The following GNB4 variants were observed in gnomAD, a reference collection of about 807,000 sequenced individuals.
GNB4 encodes the protein guanine nucleotide-binding protein subunit beta-4.
A neutral mutation model predicts 45.2 loss-of-function variants in GNB4; 28 were observed. The ratio of observed to expected loss-of-function variants is 0.62; its 90% CI spans 0.46 to 0.85. GNB4 has a LOEUF of 0.85. Ranked by LOEUF, GNB4 falls within the 40% of genes least tolerant of loss-of-function variation. GNB4 has a pLI of 0.00. For synonymous variants in GNB4, 132 were observed against 143.7 expected, an observed-to-expected ratio of 0.92 and a Z score of 0.58; for missense variants, 321 against 425.4, an observed-to-expected ratio of 0.75 and a Z score of 2.16.
chr3:179,404,515 T>C (rs1714405409), intron 9 of GNB4, among the ~76,000 whole-genome samples: 1 of 152,050 alleles, frequency 6.6e-6, no homozygotes, highest in Non-Finnish European at 1.5e-5. Context: ...AAAGAGACCC[T>C]GTCCCAACAA....
chr3:179,509,653 CTT>C, the GNB4 span, among the ~76,000 whole-genome samples: 5 of 141,386 alleles, frequency 3.5e-5, no homozygotes, highest in East Asian at 2.0e-4. Context: ...TCCCTTCCCT[CTT>C]TTTTTTTTTT....
chr3:179,427,674 T>C (rs1400645789), intron 1 of GNB4, among the ~76,000 whole-genome samples: 1 of 151,984 alleles, frequency 6.6e-6, no homozygotes, highest in Non-Finnish European at 1.5e-5. Context: ...TTATTCTTTG[T>C]TGTATCCCCA....
At chr3:179,507,285 T>C in the GNB4 span, among the ~76,000 whole-genome samples, 1 of 152,182 alleles carries the variant, frequency 6.6e-6, no homozygotes, top group Non-Finnish European at 1.5e-5. Flanking sequence ...GGCTGATCTT[T>C]TCAAAATGAG....
At chr3:179,402,161 A>G (rs1344473232) in intron 9 of GNB4, among the ~76,000 whole-genome samples, 2 of 152,226 alleles carry the variant, frequency 1.3e-5, no homozygotes, top group South Asian at 2.1e-4. Context: ...TTATGAGTTG[A>G]AATAACAAAA....
the GNB4 span, among the ~76,000 whole-genome samples, chr3:179,468,049 T>TATATATAGAGAGAGAGAGAGAGAGAGAG: frequency 5.3e-5 from 7 of 130,988 alleles, no homozygotes; most frequent in African/African-American, 1.9e-4. Context: ...TATATATATA[T>TATATATAGAGAGAGAGAGAGAGAGAGAG]AGAACAGGTG....
intron 1 of GNB4, among the ~76,000 whole-genome samples, chr3:179,446,128 A>G (rs1715718480): frequency 6.6e-6 from 1 of 152,264 alleles, no homozygotes; most frequent in Admixed American, 6.5e-5. Flanking sequence ...CACACTGTGA[A>G]CTTACCAAGC....
At position 179,419,419 on chromosome 3, in the gene GNB4, C is replaced by G. The variant is rs761125515; in HGVS notation, c.183G>C (p.Met61Ile). The change falls in exon 4 of 10, where the codon ATG becomes ATC. Residue 61 changes from methionine to isoleucine, a missense_variant. Transcript: ENST00000232564. ...CAAACCTGGAATCGTATCCCCAATG[C>G]ATAGCATAGATTTTAGCTAGGTGGC... is the stretch of plus-strand genomic sequence containing the variant. The part of the protein sequence containing the change: ...LRGHLAKIYA[M>I]HWGYDSRLLV... 10 of 1,607,402 alleles carry G rather than the reference C, an allele frequency of 6.2e-6. No individual in the cohort carries two copies. Among genetic ancestry groups the G allele is most frequent in the Non-Finnish European group, 7.7e-6 (9 of 1,173,892 alleles).
intron 2 of GNB4, among the ~76,000 whole-genome samples, chr3:179,422,327 T>C (rs748860528): frequency 7.2e-5 from 11 of 152,124 alleles, no homozygotes; most frequent in South Asian, 6.2e-4. Flanking sequence ...CTATTATCCA[T>C]TATAAAACAG....
upstream of GNB4, among the ~76,000 whole-genome samples, chr3:179,455,182 T>C (rs115508945): frequency 3.8e-3 from 581 of 152,274 alleles, 2 homozygotes; most frequent in African/African-American, 0.013. Flanking sequence ...CCCAGTGACC[T>C]TAAGAGAGGG....
intron 8 of GNB4, among the ~76,000 whole-genome samples, chr3:179,413,197 CA>C (rs200009694): frequency 6.6e-5 from 10 of 150,842 alleles, no homozygotes; most frequent in African/African-American, 1.2e-4. Flanking sequence ...AAAATAACAA[CA>C]AAAAAAAATC....
the GNB4 span, among the ~76,000 whole-genome samples, chr3:179,518,637 T>G: frequency 2.0e-5 from 3 of 152,164 alleles, no homozygotes; most frequent in Non-Finnish European, 4.4e-5. Context: ...ATTCTGTGAC[T>G]AGCCCTCCCC....
intron 9 of GNB4, among the ~76,000 whole-genome samples, chr3:179,401,613 CAT>C (rs768259664): frequency 9.2e-5 from 14 of 152,116 alleles, no homozygotes; most frequent in East Asian, 3.9e-4. Context: ...TCTAGGAAAA[CAT>C]ATGCAGACAA....
At chr3:179,429,860 G>C (rs538243042) in intron 1 of GNB4, among the ~76,000 whole-genome samples, 28 of 152,228 alleles carry the variant, frequency 1.8e-4, no homozygotes, top group Non-Finnish European at 3.8e-4. Context: ...TTCTGCTTTT[G>C]CTATCAAATA....
At chr3:179,415,928 G>A (rs1714786857) in intron 5 of GNB4, among the ~76,000 whole-genome samples, 1 of 152,042 alleles carries the variant, frequency 6.6e-6, no homozygotes, top group Admixed American at 6.6e-5. Context: ...TATACACAGA[G>A]TATAAAGGTA....
At chr3:179,423,750 C>T (rs904595208) in intron 2 of GNB4, among the ~76,000 whole-genome samples, 12 of 150,826 alleles carry the variant, frequency 8.0e-5, no homozygotes, top group Non-Finnish European at 1.3e-4. Context: ...CACTGCACTC[C>T]AGCCTGGGCG....
chr3:179,443,126 G>A (rs940370890), intron 1 of GNB4, among the ~76,000 whole-genome samples: 2 of 152,164 alleles, frequency 1.3e-5, no homozygotes, highest in Non-Finnish European at 2.9e-5. Context: ...TGCCTCACAA[G>A]CATTACCATC....
the GNB4 span, among the ~76,000 whole-genome samples, chr3:179,505,763 C>A: frequency 6.6e-6 from 1 of 152,312 alleles, no homozygotes; most frequent in Non-Finnish European, 1.5e-5. Context: ...CATATGACTT[C>A]ATCATTGCTC....
chr3:179,443,079 G>A (rs1409669687), intron 1 of GNB4, among the ~76,000 whole-genome samples: 1 of 152,130 alleles, frequency 6.6e-6, no homozygotes, highest in East Asian at 1.9e-4. Flanking sequence ...TATGACAACT[G>A]GGGATATCAG....
chr3:179,465,196 T>G, the GNB4 span: 60 of 1,325,550 alleles, frequency 4.5e-5, no homozygotes, highest in Non-Finnish European at 3.3e-6. Context: ...ATCCTGTAAC[T>G]GCCAAACTGA....
Sources: allele counts gnomAD v4.1 joint callset (sites outside exome capture counted in the v4.1 genomes callset), GRCh38; gene constraint gnomAD v4.1.1; transcripts MANE v1.5; gene names NCBI Gene and HGNC (gene_info 2026-07-23, HGNC 2026-07-21).